Variants in DPP10 observed in about 807,000 individuals in gnomAD.
The protein encoded by DPP10 is dipeptidyl peptidase like 10.
In DPP10, 33 loss-of-function variants were observed where a neutral mutation model predicts 120.9. The observed-to-expected ratio is 0.27, with a 90% CI of 0.21 to 0.37. DPP10 has a LOEUF of 0.37. Among genes scored for constraint, DPP10 ranks in the 10% least tolerant of loss-of-function variants. The pLI is 1.00. For synonymous variants in DPP10, 337 were observed against 326.1 expected (o/e 1.03, Z -0.36); for missense variants, 816 against 942.8 (o/e 0.87, Z 1.76).
At chr2:115,443,455 T>C (rs2104892844) in intron 3 of DPP10, among the ~76,000 whole-genome samples, 1 of 152,284 alleles carries the variant, frequency 6.6e-6, no homozygotes, top group South Asian at 2.1e-4. Context: ...TGAGTGCCTG[T>C]TAACGTGAAT....
chr2:114,739,024 C>T (rs537410103), intron 1 of DPP10, among the ~76,000 whole-genome samples: 1 of 152,270 alleles, frequency 6.6e-6, no homozygotes, highest in South Asian at 2.1e-4. Flanking sequence ...AACTCATCCC[C>T]TATTTACTCT....
intron 1 of DPP10, among the ~76,000 whole-genome samples, chr2:115,236,122 G>GT (rs2057994431): frequency 6.6e-6 from 1 of 152,122 alleles, no homozygotes; most frequent in South Asian, 2.1e-4. Flanking sequence ...TATGATAATT[G>GT]TAACCATATA....
chr2:115,004,418 G>A (rs561595804), intron 1 of DPP10, among the ~76,000 whole-genome samples: 7 of 152,290 alleles, frequency 4.6e-5, no homozygotes, highest in African/African-American at 7.2e-5. Context: ...CCTGAGCGAC[G>A]CAGAAGACAG....
At chr2:115,817,241 C>T (rs1004034712) in intron 21 of DPP10, among the ~76,000 whole-genome samples, 3 of 119,436 alleles carry the variant, frequency 2.5e-5, no homozygotes, top group South Asian at 2.8e-4. Context: ...AGCGAGACTC[C>T]GTCTCAAAAT....
chr2:114,513,559 C>T (rs917906485), intron 1 of DPP10, among the ~76,000 whole-genome samples: 19 of 140,790 alleles, frequency 1.3e-4, no homozygotes, highest in African/African-American at 4.2e-4. Flanking sequence ...TAGAGCTTTA[C>T]GAGACCAAAT....
At chr2:115,538,862 A>G (rs2079021375) in intron 5 of DPP10, among the ~76,000 whole-genome samples, 1 of 152,052 alleles carries the variant, frequency 6.6e-6, no homozygotes, top group Non-Finnish European at 1.5e-5. Context: ...TACTTCCCAG[A>G]TTTTGAAGAC....
chr2:115,704,426 G>A (rs7574576), intron 7 of DPP10, among the ~76,000 whole-genome samples: 96,309 of 151,534 alleles, frequency 0.64, 32,689 homozygotes, highest in East Asian at 0.91. Flanking sequence ...ACTAACTGAG[G>A]GGGAACACCT....
intron 1 of DPP10, among the ~76,000 whole-genome samples, chr2:114,956,624 C>T (rs1442629800): frequency 1.3e-5 from 2 of 151,986 alleles, no homozygotes; most frequent in African/African-American, 2.4e-5. Context: ...CCATAAAAGA[C>T]CCCAAATGGT....
At chr2:115,256,067 A>G (rs1286182823) in intron 1 of DPP10, among the ~76,000 whole-genome samples, 1 of 152,190 alleles carries the variant, frequency 6.6e-6, no homozygotes, top group Non-Finnish European at 1.5e-5. Context: ...TGCTGCTAAT[A>G]AAGACATACA....
At chr2:114,998,117 G>A (rs1509734) in intron 1 of DPP10, among the ~76,000 whole-genome samples, 94,399 of 151,968 alleles carry the variant, frequency 0.62, 31,509 homozygotes, top group Non-Finnish European at 0.75. Flanking sequence ...ACACTTATTT[G>A]CACATAAGTA....
intron 4 of DPP10, among the ~76,000 whole-genome samples, chr2:115,507,909 G>T (rs1236780528): frequency 6.6e-6 from 1 of 152,090 alleles, no homozygotes; most frequent in Non-Finnish European, 1.5e-5. Flanking sequence ...GTAAAAAGTA[G>T]GTGGGTGGAG....
At chr2:114,497,089 A>G (rs1682601731) in intron 1 of DPP10, among the ~76,000 whole-genome samples, 1 of 150,216 alleles carries the variant, frequency 6.7e-6, no homozygotes, top group African/African-American at 2.4e-5. Flanking sequence ...ATACATGTAC[A>G]TGTACATGTG....
intron 5 of DPP10, among the ~76,000 whole-genome samples, chr2:115,533,962 G>C (rs145037360): frequency 1.6e-3 from 250 of 151,964 alleles, no homozygotes; most frequent in African/African-American, 5.6e-3. Context: ...AAAGTCCCTA[G>C]GAGGTGGACA....
chr2:115,410,649 T>A (rs1245465648), intron 3 of DPP10, among the ~76,000 whole-genome samples: 2 of 152,074 alleles, frequency 1.3e-5, no homozygotes, highest in Non-Finnish European at 2.9e-5. Context: ...AAGAATGATA[T>A]AATGGACTGA....
Position 115,777,217 on chromosome 2 carries a change from G to T in DPP10, c.1231G>T (p.Glu411Ter). ...TTCTATTTCTTTGCAGAGTAAAAGT[G>T]AGCAAATTACCGTGCGGCATCTGAC... Reference protein sequence around the residue: ...VAMFLIQSKSEQITVRHLTSG... With the variant: ...VAMFLIQSKS Residue 411 changes from glutamate (E) to a stop codon, truncating the protein, a stop_gained, in exon 14 of 26, where the codon GAG (glutamate) becomes TAG (stop). Coordinates refer to ENST00000410059, the MANE Select transcript of DPP10 (RefSeq NM_020868.6). LOFTEE classifies it high-confidence loss of function. 6.2e-7 allele frequency: 1 copy of T among 1,612,874 alleles called. No homozygotes were observed. Among genetic ancestry groups the T allele is most frequent in the Non-Finnish European group, 8.5e-7 (1 of 1,179,202 alleles).
At chr2:114,506,878 A>G (rs1363422757) in intron 1 of DPP10, among the ~76,000 whole-genome samples, 1 of 152,158 alleles carries the variant, frequency 6.6e-6, no homozygotes, top group African/African-American at 2.4e-5. Context: ...CTCTGACTAT[A>G]TAGACCAAGT....
chr2:115,125,674 C>T (rs918316414), intron 1 of DPP10, among the ~76,000 whole-genome samples: 4 of 151,158 alleles, frequency 2.6e-5, no homozygotes, highest in Non-Finnish European at 5.9e-5. Flanking sequence ...CGGGTTCACG[C>T]CATTCTCCTG....
At chr2:115,586,659 G>A (rs144402041) in intron 5 of DPP10, among the ~76,000 whole-genome samples, 1 of 152,172 alleles carries the variant, frequency 6.6e-6, no homozygotes, top group African/African-American at 2.4e-5. Flanking sequence ...ATACTTCTCA[G>A]TGTGATGCTT....
chr2:114,598,800 GA>G (rs368816937), intron 1 of DPP10, among the ~76,000 whole-genome samples: 4 of 151,958 alleles, frequency 2.6e-5, no homozygotes, highest in African/African-American at 9.6e-5. Flanking sequence ...TTGGTAGAAG[GA>G]AGTGCTGCAA....
Sources: gnomAD v4.1 joint callset for allele counts (sites outside exome capture counted in the v4.1 genomes callset) on GRCh38, gnomAD v4.1.1 for gene constraint, MANE v1.5 for transcripts, NCBI Gene and HGNC (gene_info 2026-07-23, HGNC 2026-07-21) for gene names.